The following SNX24 variants were observed in gnomAD, a reference collection of about 807,000 sequenced individuals.
The protein encoded by SNX24 is sorting nexin 24.
In SNX24, 22 loss-of-function variants were observed where a neutral mutation model predicts 28.7. That is an observed-to-expected ratio of 0.77 (90% confidence interval 0.55 to 1.10). The LOEUF (loss-of-function observed/expected upper bound fraction) is 1.10, where lower values mean the gene tolerates loss of function less well. SNX24 is among the 50% of genes least tolerant of loss of function. The probability of loss-of-function intolerance (pLI) is 0.00; values close to 1 mark genes in which losing one functional copy is unlikely to be tolerated. For missense variants in SNX24, 221 were observed against 201.1 expected (o/e 1.10, Z -0.60); for synonymous variants, 69 against 71.5 (o/e 0.96, Z 0.18).
At chr5:123,000,769 A>G (rs1762218847) in intron 4 of SNX24, among the ~76,000 whole-genome samples, 1 of 152,200 alleles carries the variant, frequency 6.6e-6, no homozygotes, top group Non-Finnish European at 1.5e-5. Flanking sequence ...GGCATACTGT[A>G]TCCATTTACA....
rs140477325 is a variant in SNX24, at chr5:122,989,708, A to G, written c.250-10204A>G. On this transcript the variant is annotated intron_variant, in intron 3 of 6. Transcript: ENST00000261369. The stretch of plus-strand genomic sequence containing the variant: ...GACTGGATCTTGCATAGATGCAAAA[A>G]GACTGGTGTAATCTGGAAAACTCCC... 1.1e-3 allele frequency among the ~76,000 whole-genome samples: 172 copies of G among 152,366 alleles called. 1 individual carries two copies. The highest frequency in any genetic ancestry group is 4.0e-3 in the African/African-American group (167 of 41,590).
In SNX24 at chr5:123,009,021, CA is replaced by C; in HGVS notation, c.*1273del. On this transcript the variant is annotated 3_prime_UTR_variant, in exon 7 of 7. Transcript: ENST00000261369. ...GGTTTTTGATTAGGATCTAAATATT[CA>C]GGTTTTAAGCCTGCTGCAAACTTTT... 1.0e-6 allele frequency: 1 copy of C among 985,600 alleles called. No individual in the cohort carries two copies. Among genetic ancestry groups the C allele is most frequent in the Non-Finnish European group, 1.2e-6 (1 of 829,700 alleles). The allele number at this position is 985,600 out of a possible 1,614,324, so 61.1% of individuals were successfully genotyped here.
intron 5 of SNX24, chr5:123,023,635 A>G: frequency 2.5e-6 from 1 of 401,972 alleles, no homozygotes; most frequent in Non-Finnish European, 3.9e-6. Flanking sequence ...GTTTTAAAAT[A>G]GCACCACTTG....
At chr5:122,873,226 C>T (rs1289595072) in intron 1 of SNX24, among the ~76,000 whole-genome samples, 2 of 152,126 alleles carry the variant, frequency 1.3e-5, no homozygotes, top group African/African-American at 4.8e-5. Context: ...CTGCCTACCT[C>T]AGCCTACCAA....
intron 3 of SNX24, among the ~76,000 whole-genome samples, chr5:122,961,375 A>G (rs1760482209): frequency 6.6e-6 from 1 of 152,226 alleles, no homozygotes; most frequent in Non-Finnish European, 1.5e-5. Flanking sequence ...GAGGGTTGAT[A>G]AAAGAGGGAT....
At chr5:123,026,470 C>T (rs1762855756) in intron 5 of SNX24, among the ~76,000 whole-genome samples, 1 of 152,158 alleles carries the variant, frequency 6.6e-6, no homozygotes, top group Non-Finnish European at 1.5e-5. Context: ...TCATAACAAC[C>T]CTGAAGAGTA....
At chr5:122,956,645 C>T (rs1453004086) in intron 3 of SNX24, among the ~76,000 whole-genome samples, 2 of 152,114 alleles carry the variant, frequency 1.3e-5, no homozygotes, top group Non-Finnish European at 2.9e-5. Context: ...GTTTTATTTC[C>T]GACCAACAGT....
intron 1 of SNX24, among the ~76,000 whole-genome samples, chr5:122,850,725 G>T (rs1364389315): frequency 6.6e-6 from 1 of 151,012 alleles, no homozygotes; most frequent in Non-Finnish European, 1.5e-5. Context: ...TTTGATTTTG[G>T]AGTCTAGGGT....
intron 2 of SNX24, among the ~76,000 whole-genome samples, chr5:122,942,393 G>A (rs1436735381): frequency 6.6e-6 from 1 of 152,214 alleles, no homozygotes; most frequent in African/African-American, 2.4e-5. Flanking sequence ...TCTTCAAAGG[G>A]AACCCTGAGG....
intron 1 of SNX24, among the ~76,000 whole-genome samples, chr5:122,884,680 G>T (rs116374002): frequency 0.028 from 4,236 of 152,294 alleles, 73 homozygotes; most frequent in Middle Eastern, 0.054. Context: ...ACTGTAAGGT[G>T]TGTCAGGTAG....
intron 3 of SNX24, among the ~76,000 whole-genome samples, chr5:122,984,065 C>T (rs1761496938): frequency 6.6e-6 from 1 of 152,096 alleles, no homozygotes; most frequent in South Asian, 2.1e-4. Context: ...CCTATTCTAT[C>T]AAAACTGGGT....
intron 3 of SNX24, among the ~76,000 whole-genome samples, chr5:122,960,189 A>G (rs17149763): frequency 0.13 from 19,931 of 152,158 alleles, 1,602 homozygotes; most frequent in East Asian, 0.36. Flanking sequence ...CTTTATCACT[A>G]TTGCTTCATG....
At chr5:122,928,628 T>C (rs1758809610) in intron 1 of SNX24, among the ~76,000 whole-genome samples, 1 of 151,898 alleles carries the variant, frequency 6.6e-6, no homozygotes, top group South Asian at 2.1e-4. Flanking sequence ...GGTGGGGGCC[T>C]CAGTCTCACA....
chr5:122,947,807 A>G (rs1759755403), intron 3 of SNX24, among the ~76,000 whole-genome samples: 1 of 152,184 alleles, frequency 6.6e-6, no homozygotes, highest in Admixed American at 6.5e-5. Context: ...ATTTTCCATG[A>G]TATTGTATAT....
At chr5:122,916,991 GGGCGCGGT>G (rs773792987) in intron 1 of SNX24, among the ~76,000 whole-genome samples, 11 of 152,120 alleles carry the variant, frequency 7.2e-5, no homozygotes, top group Non-Finnish European at 5.9e-5. Flanking sequence ...AGACTGGGCT[GGGCGCGGT>G]GGCTCACGCC....
chr5:122,932,633 G>T (rs1759002378), intron 1 of SNX24, among the ~76,000 whole-genome samples: 1 of 152,144 alleles, frequency 6.6e-6, no homozygotes, highest in Non-Finnish European at 1.5e-5. Flanking sequence ...ACTTGGGGAG[G>T]CCTATGCAGG....
rs45531633 is a variant in SNX24, at chr5:123,021,910, T to G, written n.384-7328T>G. ...CTTCCTCCTGGAAGGCCCTTCTTGC[T>G]GCTTCCTACCCTTCCTTCAGGCCTT... On this transcript the variant is annotated intron_variant and non_coding_transcript_variant, in intron 5 of 5. Coordinates refer to the SNX24 transcript ENST00000502387. 4.5e-3 allele frequency among the ~76,000 whole-genome samples: 685 copies of G among 152,250 alleles called. 7 individuals are homozygous for G. Among genetic ancestry groups the G allele is most frequent in the African/African-American group, 0.015 (608 of 41,550 alleles).
At chr5:122,944,235 C>T (rs1759582403) in intron 2 of SNX24, among the ~76,000 whole-genome samples, 1 of 152,168 alleles carries the variant, frequency 6.6e-6, no homozygotes. Flanking sequence ...GACAACATAG[C>T]TCCTATTCTT....
intron 5 of SNX24, among the ~76,000 whole-genome samples, chr5:123,021,168 A>ACTGT (rs899275880): frequency 7.3e-6 from 1 of 136,912 alleles, no homozygotes; most frequent in Non-Finnish European, 1.6e-5. Flanking sequence ...CCACCCCTTC[A>ACTGT]CTGTCTATTC....
Sources: allele counts gnomAD v4.1 joint callset (sites outside exome capture counted in the v4.1 genomes callset), GRCh38; gene constraint gnomAD v4.1.1; transcripts MANE v1.5; gene names NCBI Gene and HGNC (gene_info 2026-07-23, HGNC 2026-07-21).